Variants in NSD3 observed in about 807,000 individuals in gnomAD.
The protein encoded by NSD3 is nuclear receptor binding SET domain protein 3, also known as histone-lysine N-methyltransferase NSD3.
In NSD3, 24 loss-of-function variants were observed where a neutral mutation model predicts 160.8. The observed-to-expected ratio is 0.15, with a 90% CI of 0.11 to 0.21. The LOEUF (loss-of-function observed/expected upper bound fraction) is 0.21, where lower values mean the gene tolerates loss of function less well. Among genes scored for constraint, NSD3 ranks in the 10% least tolerant of loss-of-function variants. The pLI is 1.00. For synonymous variants in NSD3, 520 were observed against 600.0 expected, an observed-to-expected ratio of 0.87 and a Z score of 1.95; for missense variants, 1,157 against 1,735.9, an observed-to-expected ratio of 0.67 and a Z score of 5.93.
intron 12 of NSD3, among the ~76,000 whole-genome samples, chr8:38,310,524 TGAGA>T (rs749798103): frequency 6.6e-5 from 10 of 152,106 alleles, no homozygotes; most frequent in East Asian, 1.9e-4. Flanking sequence ...CTTTTTTTTT[TGAGA>T]GAGAGTCTCA....
At chr8:38,304,897 G>T in intron 13 of NSD3, 140 bp from the exon 14 acceptor site, 2 of 872,612 alleles carry the variant, frequency 2.3e-6, no homozygotes, top group Non-Finnish European at 3.4e-6. Flanking sequence ...CCCTAGTCTG[G>T]CTCTGTCATC....
At chr8:38,348,254 T>A in intron 1 of NSD3, 39 bp from the exon 2 acceptor site, 1 of 1,451,604 alleles carries the variant, frequency 6.9e-7, no homozygotes, top group Non-Finnish European at 9.2e-7. Flanking sequence ...GTGTTACTAT[T>A]CTCATAGGCT....
intron 16 of NSD3, among the ~76,000 whole-genome samples, chr8:38,291,431 T>C (rs898675684): frequency 5.3e-5 from 8 of 152,196 alleles, no homozygotes; most frequent in African/African-American, 1.9e-4. Context: ...TAAATATACA[T>C]AGACTTAAAT....
At chr8:38,315,640 T>C (rs1353208263) in intron 10 of NSD3, 96 bp from the exon 11 acceptor site, 5 of 1,515,192 alleles carry the variant, frequency 3.3e-6, no homozygotes, top group East Asian at 2.3e-5. Flanking sequence ...GCTCAAACAT[T>C]AGATCTTGAC....
rs1809633162 is a variant in NSD3, at chr8:38,315,401, C to T, written c.2115+15G>A. ...TAGCAATTATTTCAAGCCATAGCAC[C>T]AGTTACCTGCCTACCTGACATACAG... On this transcript the variant is annotated intron_variant, in intron 11 of 23. Coordinates refer to ENST00000317025, the MANE Select transcript of NSD3 (RefSeq NM_023034.2). 6.5e-7 allele frequency: 1 copy of T among 1,546,988 alleles called. No homozygotes were observed.
In NSD3 at chr8:38,278,339, A is replaced by G. The variant is rs199781541; in HGVS notation, c.3834T>C (p.Asp1278=). The change falls in exon 22 of 24, where the codon GAT becomes GAC. Residue 1278 remains aspartate (D), a synonymous_variant. Coordinates refer to ENST00000317025, the MANE Select transcript of NSD3 (RefSeq NM_023034.2). ...GCACTCCTAGAAAACCACTGCAGTT[A>G]TCTGCTCCACAGTGGCACTCCGTTC... is the stretch of plus-strand genomic sequence containing the variant. ...NGRTECHCGA[D]NCSGFLGVRP... 17 of 1,613,984 alleles carry G rather than the reference A, an allele frequency of 1.1e-5. No individual in the cohort carries two copies. Among genetic ancestry groups the G allele is most frequent in the Non-Finnish European group, 1.1e-5 (13 of 1,180,012 alleles).
At chr8:38,287,010 G>A (rs1383433053) in intron 19 of NSD3, among the ~76,000 whole-genome samples, 3 of 152,132 alleles carry the variant, frequency 2.0e-5, no homozygotes, top group African/African-American at 7.2e-5. Flanking sequence ...GTCTCCTCAA[G>A]CAGATCCACT....
At chr8:38,370,703 A>G (rs1019133775) in intron 1 of NSD3, among the ~76,000 whole-genome samples, 2 of 152,142 alleles carry the variant, frequency 1.3e-5, no homozygotes, top group Non-Finnish European at 2.9e-5. Context: ...CCTTTCTGGA[A>G]ATGTTCTAAA....
intron 14 of NSD3, chr8:38,303,522 G>A (rs185194799): frequency 3.7e-5 from 15 of 404,172 alleles, no homozygotes; most frequent in Admixed American, 1.9e-4. Context: ...AAAGGACTAC[G>A]ATTTATTTAA....
At position 38,329,850 on chromosome 8, in the gene NSD3, A is replaced by G. The variant is rs371067605; in HGVS notation, c.1109T>C (p.Ile370Thr). The change falls in exon 6 of 24, where the codon ATT (isoleucine) becomes ACT (threonine). Residue 370 changes from isoleucine to threonine, a missense_variant. Coordinates refer to ENST00000317025, the MANE Select transcript of NSD3 (RefSeq NM_023034.2). This position sits in a 1 kb window ranked among gnomAD's most constrained non-coding sequence, Gnocchi z 4.8. The part of the protein sequence containing the change: ...RPQRERAQWD[I>T]GIAHAEKALK... ...TGCTTTCTCTGCATGGGCAATGCCA[A>G]TATCCCACTGAGCACGTTCTCTCTG... 5.0e-6 allele frequency: 8 copies of G among 1,610,106 alleles called. No individual in the cohort carries two copies. The highest frequency in any genetic ancestry group is 5.9e-6 in the Non-Finnish European group (7 of 1,178,472).
intron 13 of NSD3, 40 bp downstream of exon 13, chr8:38,305,208 T>A: frequency 6.2e-7 from 1 of 1,605,344 alleles, no homozygotes; most frequent in Non-Finnish European, 8.5e-7. Context: ...GCCACTGCCC[T>A]TAAAACAAAA....
At chr8:38,336,276 C>T (rs1182948405) in intron 4 of NSD3, 1 of 152,216 alleles carries the variant, frequency 6.6e-6, no homozygotes, top group Non-Finnish European at 1.5e-5. Flanking sequence ...CAAGCTCAAA[C>T]CTTTCTTTGG....
At chr8:38,359,483 G>A (rs1309398221) in intron 1 of NSD3, among the ~76,000 whole-genome samples, 1 of 152,098 alleles carries the variant, frequency 6.6e-6, no homozygotes, top group Non-Finnish European at 1.5e-5. Flanking sequence ...ACATACACAA[G>A]AAAAAGCAGA....
At position 38,314,761 on chromosome 8, in the gene NSD3, A is replaced by C; in HGVS notation, c.2128T>G (p.Ser710Ala). 1 of 1,614,002 alleles carries C rather than the reference A, an allele frequency of 6.2e-7. No homozygotes were observed. The highest frequency in any genetic ancestry group is 2.2e-5 in the East Asian group (1 of 44,876). The change falls in exon 12 of 24, where the codon TCT (serine) becomes GCT (alanine). Residue 710 changes from serine to alanine, a missense_variant. By Grantham distance (99) the Ser-to-Ala change is moderately conservative. Transcript: ENST00000317025. ...KDTVCQICES[S>A]GDSLIPCEGE... The stretch of plus-strand genomic sequence containing the variant: ...TCACAAGGAATCAGAGAGTCACCAG[A>C]GCTTTCACAAATCTGTAATATGGCA...
intron 4 of NSD3, among the ~76,000 whole-genome samples, chr8:38,334,691 C>T (rs886921237): frequency 4.0e-5 from 6 of 151,880 alleles, no homozygotes; most frequent in East Asian, 1.9e-4. Context: ...ACCTGGAAGG[C>T]GGAGGTTGCA....
intron 22 of NSD3, among the ~76,000 whole-genome samples, chr8:38,276,983 C>G (rs1032050150): frequency 6.6e-6 from 1 of 152,174 alleles, no homozygotes; most frequent in Non-Finnish European, 1.5e-5. Context: ...CACTCTGTCA[C>G]TAGGCTGGAG....
intron 15 of NSD3, among the ~76,000 whole-genome samples, chr8:38,298,550 G>T (rs1359159753): frequency 6.6e-6 from 1 of 152,070 alleles, no homozygotes; most frequent in East Asian, 1.9e-4. Flanking sequence ...GTGTGTGTGT[G>T]TGTGTGTGTA....
chr8:38,276,327 G>A lies in NSD3; in HGVS notation c.4041C>T (p.Leu1347=), dbSNP rs770948265. ...GTGGCTGAGTCAGGTTAAGGCATAG[G>A]AGGTGGTATGCTTTGGGACAGTCTT... ...DKKDCPKAYH[L]LCLNLTQPPY... Residue 1347 remains leucine (L), a synonymous_variant, in exon 23 of 24, where the codon CTC becomes CTT. Coordinates refer to ENST00000317025, the MANE Select transcript of NSD3 (RefSeq NM_023034.2). 6.2e-7 allele frequency: 1 copy of A among 1,614,226 alleles called. No homozygotes were observed. The highest frequency in any genetic ancestry group is 8.5e-7 in the Non-Finnish European group (1 of 1,180,052).
In NSD3 at chr8:38,293,922, C is replaced by CAAAAAAAAAA. The variant is rs11290856; in HGVS notation, c.2915+1864_2915+1873dup. On this transcript the variant is annotated intron_variant, in intron 16 of 23. Coordinates refer to ENST00000317025, the MANE Select transcript of NSD3 (RefSeq NM_023034.2). ...TGGGTGACAGAGTGAGACTCCGTCT[C>CAAAAAAAAAA]AAAAAAAAAAAAAAAAAAAAAAAAA... Among the ~76,000 whole-genome samples, 3 of 49,932 alleles carry CAAAAAAAAAA rather than the reference C, an allele frequency of 6.0e-5. 1 individual carries two copies. Among genetic ancestry groups the CAAAAAAAAAA allele is most frequent in the East Asian group, 9.7e-4 (1 of 1,036 alleles). The allele number at this position is 49,932 out of a possible 152,430, so 32.8% of individuals were successfully genotyped here. A position where few individuals can be genotyped will look rare whatever the true frequency, so the allele number is the denominator to read the frequency against.
Sources: allele counts gnomAD v4.1 joint callset (sites outside exome capture counted in the v4.1 genomes callset), GRCh38; gene constraint gnomAD v4.1.1; non-coding constraint Gnocchi (gnomAD v3.1); transcripts MANE v1.5; gene names NCBI Gene and HGNC (gene_info 2026-07-23, HGNC 2026-07-21).